The following IL1RN variants were observed in gnomAD, a reference collection of about 807,000 sequenced individuals.
IL1RN encodes interleukin-1 receptor antagonist protein.
In IL1RN, 10 loss-of-function variants were observed where a neutral mutation model predicts 13.7. The ratio of observed to expected loss-of-function variants is 0.73; its 90% CI spans 0.45 to 1.24. IL1RN has a LOEUF of 1.24. Ranked by LOEUF, IL1RN falls within the 50% of genes most tolerant of loss-of-function variation. The pLI, the probability that IL1RN is intolerant of heterozygous loss-of-function variation, is 0.00. For synonymous variants in IL1RN, 102 were observed against 82.7 expected, an observed-to-expected ratio of 1.23 and a Z score of -1.27; for missense variants, 213 against 222.1, an observed-to-expected ratio of 0.96 and a Z score of 0.26.
At chr2:113,128,516 T>C (rs900296605) in intron 1 of IL1RN, among the ~76,000 whole-genome samples, 1 of 152,004 alleles carries the variant, frequency 6.6e-6, no homozygotes, top group Non-Finnish European at 1.5e-5. Context: ...CTTCCAGATA[T>C]GGGGACTGTC....
upstream of IL1RN, among the ~76,000 whole-genome samples, chr2:113,113,418 A>G (rs1686535156): frequency 6.6e-6 from 1 of 152,186 alleles, no homozygotes. Flanking sequence ...AGCAGGAGAA[A>G]AGTGGAAATG....
chr2:113,103,243 C>A (rs527443454), upstream of IL1RN, among the ~76,000 whole-genome samples: 18 of 152,298 alleles, frequency 1.2e-4, no homozygotes, highest in African/African-American at 2.9e-4. Flanking sequence ...GAAAGAAGTG[C>A]AGTAGGTAGT....
upstream of IL1RN, among the ~76,000 whole-genome samples, chr2:113,126,552 C>T (rs555742587): frequency 6.6e-6 from 1 of 152,284 alleles, no homozygotes; most frequent in East Asian, 1.9e-4. Flanking sequence ...AAAATAGGAG[C>T]ATGCTTACCT....
At chr2:113,127,553 G>A (rs4252003), upstream of IL1RN, 7 of 1,575,700 alleles carry the variant, frequency 4.4e-6, no homozygotes, top group East Asian at 2.3e-5. Flanking sequence ...TAGCTTGGGT[G>A]AGTGACTATT....
At chr2:113,099,519 G>A in the IL1RN span, among the ~76,000 whole-genome samples, 1 of 152,092 alleles carries the variant, frequency 6.6e-6, no homozygotes, top group Non-Finnish European at 1.5e-5. Flanking sequence ...ACAGTTCCTC[G>A]ACTGTCCCAT....
the IL1RN span, among the ~76,000 whole-genome samples, chr2:113,099,695 G>A: frequency 3.6e-5 from 5 of 140,332 alleles, no homozygotes; most frequent in Non-Finnish European, 6.1e-5. Context: ...CCTCCTATCC[G>A]CCATTTTTCC....
chr2:113,123,190 C>T (rs1686839696), upstream of IL1RN, among the ~76,000 whole-genome samples: 1 of 152,116 alleles, frequency 6.6e-6, no homozygotes, highest in South Asian at 2.1e-4. Flanking sequence ...TGTTTATGAC[C>T]AACTCTCCTG....
At chr2:113,115,582 C>A (rs1424069254), upstream of IL1RN, 2 of 152,130 alleles carry the variant, frequency 1.3e-5, no homozygotes, top group Non-Finnish European at 2.9e-5. Flanking sequence ...TCAGAAGCCC[C>A]TTCACCATGA....
intron 3 of IL1RN, among the ~76,000 whole-genome samples, chr2:113,132,228 C>G (rs375048775): frequency 2.6e-5 from 4 of 152,334 alleles, no homozygotes; most frequent in South Asian, 4.1e-4. Context: ...GTGGGCAGAT[C>G]ACGAGGTCAG....
At chr2:113,114,320 T>A (rs1286424041), upstream of IL1RN, among the ~76,000 whole-genome samples, 1 of 152,128 alleles carries the variant, frequency 6.6e-6, no homozygotes, top group Non-Finnish European at 1.5e-5. Context: ...GAGTCCTCAG[T>A]TTGAGAGCAG....
upstream of IL1RN, among the ~76,000 whole-genome samples, chr2:113,125,971 C>A (rs1686941879): frequency 6.6e-6 from 1 of 152,034 alleles, no homozygotes; most frequent in Non-Finnish European, 1.5e-5. Flanking sequence ...CTAATTTTTG[C>A]ATTTTCAGTA....
intron 1 of IL1RN, among the ~76,000 whole-genome samples, chr2:113,129,049 C>T (rs1462331837): frequency 6.6e-6 from 1 of 152,122 alleles, no homozygotes; most frequent in East Asian, 1.9e-4. Flanking sequence ...CAAGGTGTTC[C>T]GTCTCTTGAA....
intron 2 of IL1RN, among the ~76,000 whole-genome samples, chr2:113,120,643 A>G (rs1686740765): frequency 6.6e-6 from 1 of 152,236 alleles, no homozygotes; most frequent in Non-Finnish European, 1.5e-5. Context: ...CTAGTCCATA[A>G]CCAGGTAAAG....
chr2:113,110,886 T>G (rs1686484272), upstream of IL1RN, among the ~76,000 whole-genome samples: 1 of 152,198 alleles, frequency 6.6e-6, no homozygotes, highest in African/African-American at 2.4e-5. Flanking sequence ...ACTAAATCGA[T>G]GTGTTGGACA....
chr2:113,118,231 G>T (rs1342348865), intron 1 of IL1RN, among the ~76,000 whole-genome samples: 3 of 152,238 alleles, frequency 2.0e-5, no homozygotes, highest in Admixed American at 6.5e-5. Context: ...GGCAGGGGCT[G>T]CAAGCCTAGT....
At chr2:113,102,264 G>A (rs1686325786), upstream of IL1RN, among the ~76,000 whole-genome samples, 3 of 152,328 alleles carry the variant, frequency 2.0e-5, 1 homozygote, top group South Asian at 6.2e-4. Flanking sequence ...TGTCTGTGCA[G>A]GCACGGGGAC....
upstream of IL1RN, among the ~76,000 whole-genome samples, chr2:113,125,849 A>G (rs1324752774): frequency 6.6e-6 from 1 of 152,142 alleles, no homozygotes; most frequent in Non-Finnish European, 1.5e-5. Flanking sequence ...CCTAGGCTGG[A>G]GTGCGGTGGC....
rs45566534 is a variant in IL1RN, at chr2:113,133,253, C to T, written c.*382C>T. 9.1e-4 allele frequency: 299 copies of T among 330,148 alleles called. 4 individuals carry two copies. Among genetic ancestry groups the T allele is most frequent in the Middle Eastern group, 7.5e-3 (7 of 934 alleles). The allele number at this position is 330,148 out of a possible 1,614,324, so 20.5% of individuals were successfully genotyped here. A position where few individuals can be genotyped will look rare whatever the true frequency, so the allele number is the denominator to read the frequency against. ...CATCAGGCCACTTGATGACCCCCAA[C>T]CAAGTGGCTCCCACACCCTGTTTTA... On this transcript the variant is annotated 3_prime_UTR_variant, in exon 4 of 4. Transcript: ENST00000409930.
upstream of IL1RN, among the ~76,000 whole-genome samples, chr2:113,102,584 CTGTT>C (rs1268759772): frequency 6.6e-6 from 1 of 152,120 alleles, no homozygotes; most frequent in Non-Finnish European, 1.5e-5. Flanking sequence ...AGCAACAAGG[CTGTT>C]TATTTCACCT....
Sources: gnomAD v4.1 joint callset for allele counts (sites outside exome capture counted in the v4.1 genomes callset) on GRCh38, gnomAD v4.1.1 for gene constraint, MANE v1.5 for transcripts, NCBI Gene and HGNC (gene_info 2026-07-23, HGNC 2026-07-21) for gene names.